Variants in PPARGC1A observed in about 807,000 individuals in gnomAD.
PPARGC1A encodes the protein PPARG coactivator 1 alpha, also known as peroxisome proliferator-activated receptor gamma coactivator 1-alpha.
A neutral mutation model predicts 88.7 loss-of-function variants in PPARGC1A; 25 were observed. That is an observed-to-expected ratio of 0.28 (90% CI 0.21 to 0.39). PPARGC1A has a LOEUF of 0.39. Among genes scored for constraint, PPARGC1A ranks in the 10% least tolerant of loss-of-function variants. The pLI is 1.00. For missense variants in PPARGC1A, 880 were observed against 968.7 expected (o/e 0.91, Z 1.22); for synonymous variants, 363 against 355.6 (o/e 1.02, Z -0.24).
the PPARGC1A span, among the ~76,000 whole-genome samples, chr4:24,384,452 T>C: frequency 6.8e-6 from 1 of 147,796 alleles, no homozygotes; most frequent in African/African-American, 2.5e-5. Flanking sequence ...TTGGATGGAG[T>C]CAAGACCTAT....
chr4:24,102,479 C>T, the PPARGC1A span, among the ~76,000 whole-genome samples: 41 of 152,216 alleles, frequency 2.7e-4, 1 homozygote, highest in African/African-American at 8.2e-4. Flanking sequence ...GATCTAATAG[C>T]TCCTGAGGCC....
At chr4:24,228,494 G>T in the PPARGC1A span, among the ~76,000 whole-genome samples, 3 of 152,094 alleles carry the variant, frequency 2.0e-5, no homozygotes, top group Non-Finnish European at 4.4e-5. Context: ...GACTATCAGG[G>T]TGGGCAGGGT....
the PPARGC1A span, among the ~76,000 whole-genome samples, chr4:24,441,963 A>G: frequency 2.6e-5 from 4 of 152,234 alleles, no homozygotes; most frequent in Admixed American, 6.5e-5. Context: ...CCGAGTTGTG[A>G]CATTTAAGTG....
chr4:23,981,825 G>A, the PPARGC1A span, among the ~76,000 whole-genome samples: 2 of 152,128 alleles, frequency 1.3e-5, no homozygotes, highest in African/African-American at 2.4e-5. Flanking sequence ...ATTCCCTCAC[G>A]CTTTTTTTTG....
chr4:23,933,145 T>C, the PPARGC1A span, among the ~76,000 whole-genome samples: 1 of 152,138 alleles, frequency 6.6e-6, no homozygotes, highest in Admixed American at 6.5e-5. Context: ...TTTTTTTAAG[T>C]AGGGGCCATT....
chr4:24,260,456 A>G, the PPARGC1A span, among the ~76,000 whole-genome samples: 1 of 152,182 alleles, frequency 6.6e-6, no homozygotes, highest in Non-Finnish European at 1.5e-5. Context: ...GCCAGTCAGA[A>G]TTTTTTCCCC....
the PPARGC1A span, among the ~76,000 whole-genome samples, chr4:24,444,917 G>T: frequency 6.6e-6 from 1 of 152,088 alleles, no homozygotes; most frequent in Non-Finnish European, 1.5e-5. Context: ...GCTGGACGTG[G>T]TGGCGCACAC....
chr4:24,205,355 GA>G, the PPARGC1A span, among the ~76,000 whole-genome samples: 1 of 152,082 alleles, frequency 6.6e-6, no homozygotes, highest in African/African-American at 2.4e-5. Context: ...TCGATGAGTA[GA>G]AACTTCCTTT....
intron 2 of PPARGC1A, chr4:23,880,170 T>C (rs1350308624): frequency 2.0e-5 from 3 of 152,258 alleles, no homozygotes; most frequent in Non-Finnish European, 4.4e-5. Context: ...TATACAGTCT[T>C]GTATTGTTTT....
the PPARGC1A span, among the ~76,000 whole-genome samples, chr4:24,264,455 G>C: frequency 6.6e-6 from 1 of 152,254 alleles, no homozygotes; most frequent in African/African-American, 2.4e-5. Context: ...GACTGCATTT[G>C]CTGTGCTGAA....
At chr4:23,796,043 A>AAAAC in intron 12 of PPARGC1A, 118 bp from the exon 13 acceptor site, 1 of 747,680 alleles carries the variant, frequency 1.3e-6, no homozygotes, top group South Asian at 1.6e-5. Flanking sequence ...TACTTTAGAA[A>AAAAC]ACAATAGTCA....
chr4:24,341,799 T>A, the PPARGC1A span, among the ~76,000 whole-genome samples: 1 of 152,208 alleles, frequency 6.6e-6, no homozygotes, highest in South Asian at 2.1e-4. Context: ...AGGGTCCCAA[T>A]CTGTTTTGCT....
At chr4:24,284,629 G>C in the PPARGC1A span, among the ~76,000 whole-genome samples, 1 of 152,168 alleles carries the variant, frequency 6.6e-6, no homozygotes, top group Non-Finnish European at 1.5e-5. Flanking sequence ...CACAGACTTG[G>C]GGACAGCTCT....
chr4:23,844,787 A>G (rs1482899164), intron 2 of PPARGC1A, among the ~76,000 whole-genome samples: 1 of 119,580 alleles, frequency 8.4e-6, no homozygotes, highest in African/African-American at 3.5e-5. Flanking sequence ...ATATATTATA[A>G]TAATATATGA....
At chr4:23,987,897 G>A in the PPARGC1A span, among the ~76,000 whole-genome samples, 15 of 151,940 alleles carry the variant, frequency 9.9e-5, no homozygotes, top group East Asian at 1.9e-4. Flanking sequence ...CCATCAACCC[G>A]TCACCTACAT....
the PPARGC1A span, among the ~76,000 whole-genome samples, chr4:24,017,877 A>C: frequency 6.6e-6 from 1 of 152,184 alleles, no homozygotes; most frequent in South Asian, 2.1e-4. Context: ...TTGCAAAAAA[A>C]CTTGAAGTTA....
chr4:24,162,131 G>A, the PPARGC1A span, among the ~76,000 whole-genome samples: 15 of 152,042 alleles, frequency 9.9e-5, no homozygotes, highest in African/African-American at 2.2e-4. Context: ...ACCAAACATC[G>A]TATATTCTCA....
the PPARGC1A span, among the ~76,000 whole-genome samples, chr4:24,074,073 A>C: frequency 6.6e-6 from 1 of 152,184 alleles, no homozygotes; most frequent in Non-Finnish European, 1.5e-5. Context: ...TTGGCCCAGC[A>C]AATGCAGGAA....
chr4:23,998,282 T>C, the PPARGC1A span, among the ~76,000 whole-genome samples: 1 of 152,250 alleles, frequency 6.6e-6, no homozygotes, highest in East Asian at 1.9e-4. Context: ...ATCACACACA[T>C]ATAAAATACA....
Sources: gnomAD v4.1 joint callset for allele counts (sites outside exome capture counted in the v4.1 genomes callset) on GRCh38, gnomAD v4.1.1 for gene constraint, MANE v1.5 for transcripts, NCBI Gene and HGNC (gene_info 2026-07-23, HGNC 2026-07-21) for gene names.